The following ANK3 variants were observed in gnomAD, a reference collection of about 807,000 sequenced individuals.
ANK3 encodes ankyrin-3.
In ANK3, 57 loss-of-function variants were observed where a neutral mutation model predicts 370.9. The observed-to-expected ratio is 0.15, with a 90% CI of 0.12 to 0.19. The LOEUF is 0.19. Ranked by LOEUF, ANK3 falls within the 10% of genes least tolerant of loss-of-function variation. The pLI is 1.00. For missense variants in ANK3, 4,439 were observed against 5,302.1 expected (o/e 0.84, Z 5.06); for synonymous variants, 1,929 against 1,946.3 (o/e 0.99, Z 0.23).
intron 9 of ANK3, among the ~76,000 whole-genome samples, chr10:60,212,943 G>A (rs1419799136): frequency 1.3e-5 from 2 of 151,958 alleles, no homozygotes; most frequent in Non-Finnish European, 2.9e-5. Flanking sequence ...TTTCAGCTAT[G>A]TCAACATTCC....
At chr10:60,243,584 C>CA (rs1395416767) in intron 7 of ANK3, among the ~76,000 whole-genome samples, 1 of 152,008 alleles carries the variant, frequency 6.6e-6, no homozygotes, top group South Asian at 2.1e-4. Flanking sequence ...GTTATAGCAA[C>CA]AAAAAATGGA....
At chr10:60,363,203 G>A (rs2058890417) in intron 1 of ANK3, among the ~76,000 whole-genome samples, 1 of 152,092 alleles carries the variant, frequency 6.6e-6, no homozygotes, top group African/African-American at 2.4e-5. Context: ...CTGAATAGCT[G>A]GCCCTGTCGT....
intron 2 of ANK3, among the ~76,000 whole-genome samples, chr10:60,595,537 T>C (rs569581746): frequency 6.6e-6 from 1 of 152,192 alleles, no homozygotes; most frequent in South Asian, 2.1e-4. Context: ...AACACCAACC[T>C]TAGGTTTTAC....
intron 23 of ANK3, among the ~76,000 whole-genome samples, chr10:60,150,213 T>A (rs1034042537): frequency 1.3e-5 from 2 of 152,098 alleles, no homozygotes; most frequent in Non-Finnish European, 2.9e-5. Context: ...TGGGACCTCA[T>A]CCGGTGCCTG....
At chr10:60,698,468 C>T (rs1284790308) in intron 1 of ANK3, among the ~76,000 whole-genome samples, 2 of 151,000 alleles carry the variant, frequency 1.3e-5, no homozygotes, top group Admixed American at 1.3e-4. Context: ...TTTATTGCGG[C>T]ACTATTCACA....
chr10:60,577,716 A>G (rs75849617), intron 2 of ANK3, among the ~76,000 whole-genome samples: 12,532 of 152,254 alleles, frequency 0.082, 721 homozygotes, highest in South Asian at 0.2. Context: ...AAAACAGACT[A>G]ACACAAGTAT....
intron 1 of ANK3, among the ~76,000 whole-genome samples, chr10:60,623,941 T>C (rs750117135): frequency 1.8e-4 from 27 of 152,292 alleles, no homozygotes; most frequent in Non-Finnish European, 3.2e-4. Flanking sequence ...CAAACACGCC[T>C]GTGTGACTGA....
intron 18 of ANK3, among the ~76,000 whole-genome samples, chr10:60,176,973 A>G (rs1415939127): frequency 1.3e-5 from 2 of 151,914 alleles, no homozygotes; most frequent in African/African-American, 4.8e-5. Flanking sequence ...GGAAAAAAAA[A>G]TAATCTTCAT....
chr10:60,126,650 T>C (rs909054694), intron 25 of ANK3, among the ~76,000 whole-genome samples: 1 of 150,234 alleles, frequency 6.7e-6, no homozygotes, highest in Non-Finnish European at 1.5e-5. Flanking sequence ...GTCATGCCAC[T>C]GCACTCCAGC....
rs138498150 is a variant in ANK3, at chr10:60,540,772, T to C, written c.96+74414A>G. ...ATGAGACCTATCACCAACATAGCCA[T>C]TGGGTTTAGGCTTTACTTGGTTTCC... On this transcript the variant is annotated intron_variant, in intron 2 of 43. Coordinates refer to the ANK3 transcript ENST00000373827. Among the ~76,000 whole-genome samples the C allele has an allele frequency of 9.0e-3, 1,374 of 152,038 alleles. 15 individuals are homozygous for C. The highest frequency in any genetic ancestry group is 0.012 in the Non-Finnish European group (792 of 67,868).
In ANK3 at chr10:60,082,681, C is replaced by T. The variant is rs200259898; in HGVS notation, c.4257G>A (p.Lys1419=). The change falls in exon 34 of 44, where the codon AAG becomes AAA. Residue 1419 remains lysine (K), a synonymous_variant. Transcript: ENST00000280772. ...CTGTTTGAGGCAGTCCTTTTGTTGT[C>T]TTTGGTTCTTTCAGAAAAGACAGAC... The part of the protein sequence containing the change: ...CGRLSFLKEP[K]TTKGLPQTAV... 8 of 1,614,038 alleles carry T rather than the reference C, an allele frequency of 5.0e-6. No homozygotes were observed. The highest frequency in any genetic ancestry group is 5.9e-6 in the Non-Finnish European group (7 of 1,179,958).
intron 28 of ANK3, among the ~76,000 whole-genome samples, chr10:60,090,291 T>C (rs1194158867): frequency 6.6e-6 from 1 of 152,074 alleles, no homozygotes; most frequent in Non-Finnish European, 1.5e-5. Flanking sequence ...CACTCCATCC[T>C]GGGCAACAGA....
intron 1 of ANK3, among the ~76,000 whole-genome samples, chr10:60,348,466 C>G (rs751765787): frequency 1.6e-4 from 25 of 151,708 alleles, no homozygotes; most frequent in Non-Finnish European, 3.5e-4. Context: ...ACTAAAGACA[C>G]AGACTTAGGG....
chr10:60,591,220 C>T (rs1251378308), intron 2 of ANK3, among the ~76,000 whole-genome samples: 3 of 152,182 alleles, frequency 2.0e-5, no homozygotes, highest in Non-Finnish European at 4.4e-5. Context: ...TCTGCTTCTG[C>T]CATAATTCCA....
At chr10:60,563,549 C>G (rs2077388947) in intron 2 of ANK3, among the ~76,000 whole-genome samples, 3 of 152,090 alleles carry the variant, frequency 2.0e-5, no homozygotes. Flanking sequence ...ACTTTTTCAG[C>G]AAAACATATG....
At chr10:60,065,572 T>C (rs985079849) in intron 38 of ANK3, among the ~76,000 whole-genome samples, 1 of 152,206 alleles carries the variant, frequency 6.6e-6, no homozygotes, top group African/African-American at 2.4e-5. Flanking sequence ...TACAATGATT[T>C]ATATACATGA....
At chr10:60,454,355 C>T (rs998090985) in intron 2 of ANK3, among the ~76,000 whole-genome samples, 2 of 152,154 alleles carry the variant, frequency 1.3e-5, no homozygotes, top group Non-Finnish European at 2.9e-5. Flanking sequence ...TAGGATGACA[C>T]TTTTCTCCTT....
intron 2 of ANK3, among the ~76,000 whole-genome samples, chr10:60,565,051 T>C (rs1182238946): frequency 6.6e-6 from 1 of 152,036 alleles, no homozygotes. Context: ...AAAGTATATA[T>C]TCTGGGCCAT....
rs1384098435 is a variant in ANK3 at position 60,226,478 on chromosome 10, AC to A, written c.897+8209del. ...TATAGTATATATACATAGTATATAT[AC>A]TATATATATACATATACTATAGTAT... On this transcript the variant is annotated intron_variant, in intron 8 of 43. Transcript: ENST00000280772. Among the ~76,000 whole-genome samples, 4 of 100,120 alleles carry A rather than the reference AC, an allele frequency of 4.0e-5. No homozygotes were observed. The South Asian group carries it at 7.7e-4, about 19-fold the overall frequency. The allele number at this position is 100,120 out of a possible 152,430, so 65.7% of individuals were successfully genotyped here.
Sources: allele counts gnomAD v4.1 joint callset (sites outside exome capture counted in the v4.1 genomes callset), GRCh38; gene constraint gnomAD v4.1.1; transcripts MANE v1.5; gene names NCBI Gene and HGNC (gene_info 2026-07-23, HGNC 2026-07-21).